Variants in N4BP2L1 observed in about 807,000 individuals in gnomAD.
N4BP2L1 encodes NEDD4-binding protein 2-like 1.
Under a neutral mutation model 21.2 loss-of-function variants are expected in N4BP2L1, and 12 were observed. That is an observed-to-expected ratio of 0.57 (90% CI 0.36 to 0.92). The LOEUF is 0.92. Among genes scored for constraint, N4BP2L1 ranks in the 40% least tolerant of loss-of-function variants. N4BP2L1 has a pLI of 0.01. For missense variants in N4BP2L1, 259 were observed against 310.6 expected (o/e 0.83, Z 1.25); for synonymous variants, 104 against 112.8 (o/e 0.92, Z 0.49).
At chr13:32,421,885 G>A (rs564495848) in intron 1 of N4BP2L1, among the ~76,000 whole-genome samples, 195 of 152,244 alleles carry the variant, frequency 1.3e-3, no homozygotes, top group African/African-American at 4.3e-3. Flanking sequence ...TTCATCCAGA[G>A]ACTGAGTGGC....
At chr13:32,429,233 C>G (rs575131229), upstream of N4BP2L1, among the ~76,000 whole-genome samples, 6 of 152,360 alleles carry the variant, frequency 3.9e-5, no homozygotes, top group East Asian at 1.2e-3. Flanking sequence ...GGGAGGGGCT[C>G]TGTGCTGAGA....
At chr13:32,421,437 C>T (rs183535782) in intron 1 of N4BP2L1, among the ~76,000 whole-genome samples, 1 of 151,370 alleles carries the variant, frequency 6.6e-6, no homozygotes, top group East Asian at 1.9e-4. Flanking sequence ...CAGCAGGACT[C>T]CCCAATAATT....
chr13:32,419,412 A>ATTTTT lies in N4BP2L1; in HGVS notation c.179+8487_179+8491dup, dbSNP rs71071039. Reference sequence around the variant, plus strand: ...GGGTGCTTGCCACCATGCTTGGCTAATTTTTTTTTTTTTTTTTTTTTTTTT... The same window carrying ATTTTT: ...GGGTGCTTGCCACCATGCTTGGCTAATTTTTTTTTTTTTTTTTTTTTTTTTTTTTT... On this transcript the variant is annotated intron_variant, in intron 1 of 4. Transcript: ENST00000380130. 1,293 of 284,542 alleles carry ATTTTT rather than the reference A, an allele frequency of 4.5e-3. 22 individuals are homozygous for ATTTTT. The highest frequency in any genetic ancestry group is 8.7e-3 in the Middle Eastern group (6 of 690). The allele number at this position is 284,542 out of a possible 1,614,324, so 17.6% of individuals were successfully genotyped here. A position where few individuals can be genotyped will look rare whatever the true frequency, so the allele number is the denominator to read the frequency against.
chr13:32,409,766 G>A (rs192888817), intron 1 of N4BP2L1, among the ~76,000 whole-genome samples: 95 of 152,286 alleles, frequency 6.2e-4, no homozygotes, highest in African/African-American at 2.3e-3. Context: ...TGGGGGAGGG[G>A]CTGAGCACAC....
chr13:32,416,786 G>C (rs972928403), intron 1 of N4BP2L1: 1 of 151,776 alleles, frequency 6.6e-6, no homozygotes, highest in Admixed American at 6.6e-5. Flanking sequence ...CGCTCTTTTA[G>C]CCTAATTATG....
At position 32,427,916 on chromosome 13, in the gene N4BP2L1, G is replaced by A; in HGVS notation, c.167C>T (p.Thr56Ile). ...CCGCTGTCATTACCTGGCCAGTGTA[G>A]TTTTCCCGGAGCCCGGGAGGCCTCG... is the stretch of plus-strand genomic sequence containing the variant. ...LLRGLPGSGK[T>I]TLARQLQHDF... Residue 56 changes from threonine to isoleucine, a missense_variant, in exon 1 of 5, where the codon ACT becomes ATT. Transcript: ENST00000380130. The A allele has an allele frequency of 1.3e-6, 2 of 1,518,598 alleles. No individual in the cohort carries two copies. The highest frequency in any genetic ancestry group is 1.2e-5 in the South Asian group (1 of 82,104). 94.1% of individuals were successfully genotyped at this position (1,518,598 alleles called of 1,614,324 possible).
At chr13:32,409,595 C>T (rs555909265) in intron 1 of N4BP2L1, among the ~76,000 whole-genome samples, 1 of 152,270 alleles carries the variant, frequency 6.6e-6, no homozygotes, top group East Asian at 1.9e-4. Context: ...AATTCATGGC[C>T]CAGCCAAAGG....
At chr13:32,419,858 T>C (rs1333785415) in intron 1 of N4BP2L1, among the ~76,000 whole-genome samples, 1 of 152,256 alleles carries the variant, frequency 6.6e-6, no homozygotes, top group Non-Finnish European at 1.5e-5. Flanking sequence ...TGAATGCTAC[T>C]GACATTCTTC....
At chr13:32,405,504 T>A (rs2137740424) in intron 3 of N4BP2L1, among the ~76,000 whole-genome samples, 1 of 152,090 alleles carries the variant, frequency 6.6e-6, no homozygotes, top group South Asian at 2.1e-4. Context: ...AGCGAGACTC[T>A]CTCTCTAAAC....
In N4BP2L1 at chr13:32,417,463, A is replaced by G. The variant is rs553296764; in HGVS notation, c.180-9691T>C. Among the ~76,000 whole-genome samples the G allele has an allele frequency of 2.0e-5, 3 of 152,310 alleles. No individual in the cohort carries two copies. In the South Asian group the frequency reaches 6.2e-4, roughly 32 times the overall value. Reference sequence around the variant, plus strand: ...GTTTGCTTCCCCTTCCACCATGATTATAAGTTTCCTGAGGCCTCCCCAGCC... The same window carrying G: ...GTTTGCTTCCCCTTCCACCATGATTGTAAGTTTCCTGAGGCCTCCCCAGCC... On this transcript the variant is annotated intron_variant, in intron 1 of 4. Coordinates refer to ENST00000380130, the MANE Select transcript of N4BP2L1 (RefSeq NM_052818.3).
At chr13:32,407,465 TATCA>T in intron 2 of N4BP2L1, 127 bp from the exon 3 acceptor site, 20 of 1,580,192 alleles carry the variant, frequency 1.3e-5, no homozygotes, top group East Asian at 2.3e-5. Flanking sequence ...CAGAGCCCAC[TATCA>T]ATCAATAATT....
upstream of N4BP2L1, among the ~76,000 whole-genome samples, chr13:32,429,120 A>C (rs898241844): frequency 6.6e-6 from 1 of 152,266 alleles, no homozygotes; most frequent in African/African-American, 2.4e-5. Context: ...TCTGGCAGCT[A>C]AGGTACTAAA....
intron 1 of N4BP2L1, chr13:32,416,444 T>C (rs2074142876): frequency 6.6e-6 from 1 of 152,258 alleles, no homozygotes; most frequent in Non-Finnish European, 1.5e-5. Flanking sequence ...CTAGTGATAC[T>C]TATTTGCAAT....
chr13:32,424,796 T>A (rs1317837426), intron 1 of N4BP2L1: 2 of 152,212 alleles, frequency 1.3e-5, no homozygotes, highest in African/African-American at 2.4e-5. Flanking sequence ...CAGTTAAAAC[T>A]CCAACTTTTA....
In N4BP2L1 at chr13:32,402,323, A is replaced by C; in HGVS notation, c.*619T>G. On this transcript the variant is annotated 3_prime_UTR_variant, in exon 5 of 5. Coordinates refer to ENST00000380130, the MANE Select transcript of N4BP2L1 (RefSeq NM_052818.3). ...CTGTAGCTATTAAGGATTTGACAGC[A>C]TTTTTAACAATGATACATCATTAAA... is the stretch of plus-strand genomic sequence containing the variant. The C allele has an allele frequency of 3.5e-6, 2 of 570,968 alleles. No homozygotes were observed. The highest frequency in any genetic ancestry group is 2.2e-6 in the Non-Finnish European group (1 of 451,714). 35.4% of individuals were successfully genotyped at this position (570,968 alleles called of 1,614,324 possible).
chr13:32,404,226 T>G, intron 4 of N4BP2L1, 95 bp downstream of exon 4: 9 of 1,588,084 alleles, frequency 5.7e-6, no homozygotes, highest in Non-Finnish European at 7.8e-6. Flanking sequence ...AAAACTACCA[T>G]GTCCATTTCC....
At chr13:32,409,914 A>T (rs2073754202) in intron 1 of N4BP2L1, among the ~76,000 whole-genome samples, 1 of 152,214 alleles carries the variant, frequency 6.6e-6, no homozygotes, top group South Asian at 2.1e-4. Flanking sequence ...ACTGCCACAC[A>T]ATTTAAAGAG....
chr13:32,422,909 CA>C (rs1192677346), intron 1 of N4BP2L1, among the ~76,000 whole-genome samples: 2 of 152,184 alleles, frequency 1.3e-5, no homozygotes, highest in African/African-American at 4.8e-5. Flanking sequence ...TCTGACCCTC[CA>C]CTTTTATATT....
upstream of N4BP2L1, chr13:32,428,186 G>A (rs2074910795): frequency 2.5e-6 from 3 of 1,218,494 alleles, no homozygotes; most frequent in African/African-American, 3.1e-5. Context: ...GATGGATAGA[G>A]GGGCGGGCGC....
Sources: allele counts gnomAD v4.1 joint callset (sites outside exome capture counted in the v4.1 genomes callset), GRCh38; gene constraint gnomAD v4.1.1; transcripts MANE v1.5; gene names NCBI Gene and HGNC (gene_info 2026-07-23, HGNC 2026-07-21).